Variants in ZNF577 observed in about 807,000 individuals in gnomAD.
ZNF577 encodes the protein zinc finger protein 577.
In ZNF577, 14 loss-of-function variants were observed where a neutral mutation model predicts 13.9. That is an observed-to-expected ratio of 1.00 (90% CI 0.66 to 1.57). The LOEUF is 1.57. Among genes scored for constraint, ZNF577 ranks in the 40% most tolerant of loss-of-function variants. The pLI is 0.00. For synonymous variants in ZNF577, 203 were observed against 202.9 expected (o/e 1.00, Z 0.00); for missense variants, 555 against 579.2 (o/e 0.96, Z 0.43).
intron 9 of ZNF577, among the ~76,000 whole-genome samples, chr19:51,837,600 A>G (rs954646968): frequency 3.3e-5 from 5 of 152,228 alleles, no homozygotes; most frequent in Admixed American, 6.5e-5. Context: ...AAGTGCACAA[A>G]GTCAGACACA....
intron 4 of ZNF577, 187 bp from the exon 5 acceptor site, chr19:51,877,564 A>AT (rs1213709144): frequency 6.6e-6 from 3 of 454,650 alleles, no homozygotes; most frequent in Non-Finnish European, 1.2e-5. Flanking sequence ...ACCCATACCC[A>AT]TTAGGATGGC....
chr19:51,813,922 G>A (rs1054951618), intron 9 of ZNF577, among the ~76,000 whole-genome samples: 8 of 152,172 alleles, frequency 5.3e-5, no homozygotes, highest in East Asian at 1.9e-4. Context: ...TGGAGGGCCC[G>A]TTGATGTGAT....
downstream of ZNF577, among the ~76,000 whole-genome samples, chr19:51,865,574 G>A (rs748190767): frequency 1.6e-4 from 25 of 152,324 alleles, no homozygotes; most frequent in Non-Finnish European, 3.2e-4. Flanking sequence ...TGTGTCGATT[G>A]TGAGAATCTA....
intron 9 of ZNF577, among the ~76,000 whole-genome samples, chr19:51,839,354 T>C (rs1197298216): frequency 2.0e-5 from 3 of 152,090 alleles, no homozygotes; most frequent in African/African-American, 7.2e-5. Context: ...TGATCACCCC[T>C]CTGCACTCCA....
Position 51,869,935 on chromosome 19 carries a change from G to A in ZNF577, c.*2597C>T, listed in dbSNP as rs2084632583. Among the ~76,000 whole-genome samples, 1 of 152,182 alleles carries A rather than the reference G, an allele frequency of 6.6e-6. No homozygotes were observed. The highest frequency in any genetic ancestry group is 1.9e-4 in the East Asian group (1 of 5,196). On this transcript the variant is annotated 3_prime_UTR_variant, in exon 6 of 6. Transcript: ENST00000638348. ...CAGTTCCCAGAGAAGGCAAAGAGGG[G>A]CTAAACACCGGGTAGACTACACTGC...
chr19:51,847,948 G>T (rs2084361597), intron 5 of ZNF577, among the ~76,000 whole-genome samples: 1 of 152,114 alleles, frequency 6.6e-6, no homozygotes, highest in African/African-American at 2.4e-5. Context: ...ATCTACAGAC[G>T]CGGATCCCGG....
chr19:51,826,849 C>T (rs1043209278), intron 9 of ZNF577, among the ~76,000 whole-genome samples: 2 of 152,156 alleles, frequency 1.3e-5, no homozygotes, highest in African/African-American at 4.8e-5. Flanking sequence ...AGCACTGAGT[C>T]TGCCTTGGAG....
intron 9 of ZNF577, among the ~76,000 whole-genome samples, chr19:51,814,212 G>A (rs1218997446): frequency 6.6e-6 from 1 of 152,138 alleles, no homozygotes; most frequent in Non-Finnish European, 1.5e-5. Context: ...TGTCTTCATG[G>A]TTGTGTTGTT....
intron 8 of ZNF577, among the ~76,000 whole-genome samples, chr19:51,842,057 C>G (rs4801901): frequency 0.076 from 11,592 of 152,036 alleles, 655 homozygotes; most frequent in South Asian, 0.22. Flanking sequence ...TGTCATCAAA[C>G]TTGGAAAAGA....
downstream of ZNF577, among the ~76,000 whole-genome samples, chr19:51,865,611 C>T (rs576156175): frequency 3.4e-4 from 52 of 152,286 alleles, no homozygotes; most frequent in African/African-American, 1.3e-3. Flanking sequence ...GAAAAAGGCA[C>T]ATTTTCTTTG....
intron 9 of ZNF577, among the ~76,000 whole-genome samples, chr19:51,834,261 G>C (rs948329121): frequency 6.6e-6 from 1 of 152,026 alleles, no homozygotes; most frequent in African/African-American, 2.4e-5. Context: ...TTATTTATTT[G>C]TTTTGTGGAA....
intron 9 of ZNF577, among the ~76,000 whole-genome samples, chr19:51,828,994 G>T (rs927717576): frequency 6.6e-6 from 1 of 152,138 alleles, no homozygotes; most frequent in African/African-American, 2.4e-5. Context: ...TTGAGGGCAC[G>T]TTGTCCCTTG....
chr19:51,855,108 T>C (rs1006686600), intron 5 of ZNF577, among the ~76,000 whole-genome samples: 1 of 152,202 alleles, frequency 6.6e-6, no homozygotes, highest in African/African-American at 2.4e-5. Flanking sequence ...GGACTATACT[T>C]TTCTGATTGT....
chr19:51,832,180 T>C (rs1268176289), intron 9 of ZNF577, among the ~76,000 whole-genome samples: 1 of 151,988 alleles, frequency 6.6e-6, no homozygotes, highest in Non-Finnish European at 1.5e-5. Context: ...CATTTTTCAG[T>C]GAGAAAGAGA....
chr19:51,847,135 G>A (rs1009396282), intron 5 of ZNF577, among the ~76,000 whole-genome samples: 9 of 152,084 alleles, frequency 5.9e-5, no homozygotes, highest in African/African-American at 9.7e-5. Context: ...ACTCGTGTAC[G>A]CACACACATG....
intron 9 of ZNF577, among the ~76,000 whole-genome samples, chr19:51,832,745 T>C (rs1300191465): frequency 6.6e-6 from 1 of 152,204 alleles, no homozygotes; most frequent in Non-Finnish European, 1.5e-5. Context: ...GAGTTTCTTT[T>C]TTGTTAATAT....
chr19:51,843,510 T>A (rs1289788068), intron 6 of ZNF577, among the ~76,000 whole-genome samples: 1 of 152,236 alleles, frequency 6.6e-6, no homozygotes. Context: ...CTTCATTCAC[T>A]TGTTTACTCT....
At chr19:51,813,583 T>G (rs1026386254) in intron 9 of ZNF577, among the ~76,000 whole-genome samples, 2 of 151,782 alleles carry the variant, frequency 1.3e-5, no homozygotes, top group African/African-American at 4.8e-5. Flanking sequence ...TAGGCTGGAG[T>G]GCAGTGGCGT....
chr19:51,873,222 C>T lies in ZNF577; in HGVS notation c.768G>A (p.Arg256=). The change falls in exon 6 of 6, where the codon CGG becomes CGA. Residue 256 remains arginine, a synonymous_variant. Transcript: ENST00000638348. ...TATGTGATCGCTGATGTCTATTGAG[C>T]CGGCACTTCCGGCTGAAGGCTTTTC... is the stretch of plus-strand genomic sequence containing the variant. The part of the protein sequence containing the change: ...KCGKAFSRKC[R]LNRHQRSHTG... 1.2e-6 allele frequency: 2 copies of T among 1,613,912 alleles called. No homozygotes were observed. The highest frequency in any genetic ancestry group is 1.7e-6 in the Non-Finnish European group (2 of 1,179,818).
Sources: gnomAD v4.1 joint callset for allele counts (sites outside exome capture counted in the v4.1 genomes callset) on GRCh38, gnomAD v4.1.1 for gene constraint, MANE v1.5 for transcripts, NCBI Gene and HGNC (gene_info 2026-07-23, HGNC 2026-07-21) for gene names.